The following DOCK1 variants were observed in gnomAD, a reference collection of about 807,000 sequenced individuals.
DOCK1 encodes dedicator of cytokinesis protein 1.
A neutral mutation model predicts 262.7 loss-of-function variants in DOCK1; 138 were observed. The ratio of observed to expected loss-of-function variants is 0.53; its 90% CI spans 0.46 to 0.61. The LOEUF is 0.61. DOCK1 is among the 20% of genes least tolerant of loss of function. The probability of loss-of-function intolerance (pLI) is 0.00; values close to 1 mark genes in which losing one functional copy is unlikely to be tolerated. For missense variants in DOCK1, 1,908 were observed against 2,370.7 expected (o/e 0.80, Z 4.05); for synonymous variants, 866 against 867.4 (o/e 1.00, Z 0.03).
chr10:126,926,594 C>T (rs1478919324), intron 1 of DOCK1, among the ~76,000 whole-genome samples: 1 of 152,172 alleles, frequency 6.6e-6, no homozygotes, highest in Non-Finnish European at 1.5e-5. Flanking sequence ...TGTGACCTTA[C>T]TTGGAAATGG....
rs562374750 is a variant in DOCK1, at chr10:127,221,538, C to T, written c.2848-26470C>T. On this transcript the variant is annotated intron_variant, in intron 27 of 51. Coordinates refer to ENST00000623213, the MANE Select transcript of DOCK1 (RefSeq NM_001290223.2). ...TCAGGGAGCTCTGGGCATCCATGTGCCCATGTGTCATCCTTGTGACATCCC... is the reference window on the plus strand; with the variant it reads ...TCAGGGAGCTCTGGGCATCCATGTGTCCATGTGTCATCCTTGTGACATCCC... Among the ~76,000 whole-genome samples, 8 of 152,288 alleles carry T rather than the reference C, an allele frequency of 5.3e-5. No individual in the cohort carries two copies. In the East Asian group the frequency reaches 1.5e-3, roughly 29 times the overall value.
chr10:127,357,032 T>A, intron 32 of DOCK1, among the ~76,000 whole-genome samples: 1 of 152,084 alleles, frequency 6.6e-6, no homozygotes, highest in Non-Finnish European at 1.5e-5. Context: ...GATGGGTCAT[T>A]ACATACTGAA....
intron 27 of DOCK1, among the ~76,000 whole-genome samples, chr10:127,163,759 A>G (rs2053801331): frequency 6.7e-6 from 1 of 148,930 alleles, no homozygotes; most frequent in Non-Finnish European, 1.5e-5. Flanking sequence ...TTAGTCTTGC[A>G]CCTAAACCAG....
chr10:127,410,670 C>T (rs1328392693), intron 42 of DOCK1, among the ~76,000 whole-genome samples, 170 bp from the exon 43 acceptor site: 1 of 152,204 alleles, frequency 6.6e-6, no homozygotes, highest in African/African-American at 2.4e-5. Context: ...AATTTTTCCA[C>T]CTGCCAACAT....
At chr10:127,033,336 GT>G (rs2043373235) in intron 18 of DOCK1, among the ~76,000 whole-genome samples, 1 of 152,200 alleles carries the variant, frequency 6.6e-6, no homozygotes, top group South Asian at 2.1e-4. Context: ...CTTGTGTGGG[GT>G]TTGGCCGATG....
chr10:127,038,915 T>C (rs868255800), intron 19 of DOCK1, among the ~76,000 whole-genome samples: 11 of 152,302 alleles, frequency 7.2e-5, no homozygotes, highest in Middle Eastern at 6.8e-3. Flanking sequence ...ATTCTGTTTT[T>C]GGCTATGGGA....
chr10:127,267,798 C>T lies in DOCK1; in HGVS notation c.3044+10369C>T, dbSNP rs527480245. ...GATACACTTTATTATGATCCTCCTCCCGGTCCTCTCATGCTAAGTTTTAAC... is the reference window on the plus strand; with the variant it reads ...GATACACTTTATTATGATCCTCCTCTCGGTCCTCTCATGCTAAGTTTTAAC... On this transcript the variant is annotated intron_variant, in intron 29 of 51. Coordinates refer to ENST00000623213, the MANE Select transcript of DOCK1 (RefSeq NM_001290223.2). 1.8e-4 allele frequency among the ~76,000 whole-genome samples: 27 copies of T among 152,226 alleles called. 1 individual carries two copies. The South Asian group carries it at 3.7e-3, about 21-fold the overall frequency.
intron 1 of DOCK1, among the ~76,000 whole-genome samples, chr10:126,950,422 C>G (rs2036109367): frequency 6.6e-6 from 1 of 152,026 alleles, no homozygotes; most frequent in Non-Finnish European, 1.5e-5. Context: ...AAGGCTCTCT[C>G]TCCTTTAGAC....
At chr10:127,283,401 C>T (rs1176048864) in intron 29 of DOCK1, among the ~76,000 whole-genome samples, 1 of 152,210 alleles carries the variant, frequency 6.6e-6, no homozygotes, top group Non-Finnish European at 1.5e-5. Flanking sequence ...TTACTGAAGC[C>T]TCCAGAAGGC....
At chr10:127,069,422 G>A (rs558898056) in intron 23 of DOCK1, among the ~76,000 whole-genome samples, 6 of 152,170 alleles carry the variant, frequency 3.9e-5, no homozygotes, top group Non-Finnish European at 7.3e-5. Flanking sequence ...TGTTGGCACC[G>A]TCATAGACCA....
rs900104409 is a variant in DOCK1 at position 126,944,725 on chromosome 10, G to A, written c.47-25977G>A. ...GCGAGGTGGATTGGGGCTCGTGTGG[G>A]CAATGTCGCCACAGAGACTTGGCTG... is the stretch of plus-strand genomic sequence containing the variant. On this transcript the variant is annotated intron_variant, in intron 1 of 51. Transcript: ENST00000623213. Among the ~76,000 whole-genome samples the A allele has an allele frequency of 2.6e-4, 40 of 152,178 alleles. 1 individual carries two copies. The South Asian group carries it at 7.9e-3, about 30-fold the overall frequency.
chr10:126,952,515 GTTA>G (rs1481014957), intron 1 of DOCK1, among the ~76,000 whole-genome samples: 4 of 151,692 alleles, frequency 2.6e-5, no homozygotes, highest in South Asian at 2.1e-4. Flanking sequence ...TGTTGGTGTT[GTTA>G]TTCTTGGTAG....
chr10:127,414,827 C>A (rs1480494856), intron 43 of DOCK1, among the ~76,000 whole-genome samples: 1 of 152,216 alleles, frequency 6.6e-6, no homozygotes. Flanking sequence ...TCTGTTTGCT[C>A]AAGAGGGGCT....
chr10:127,445,785 T>C (rs1354724499), intron 50 of DOCK1, among the ~76,000 whole-genome samples: 2 of 152,158 alleles, frequency 1.3e-5, no homozygotes, highest in Non-Finnish European at 2.9e-5. Flanking sequence ...ATTAACAAAA[T>C]GTACGTCCAA....
intron 19 of DOCK1, among the ~76,000 whole-genome samples, chr10:127,042,088 CATT>C (rs962534228): frequency 3.3e-5 from 5 of 152,294 alleles, no homozygotes; most frequent in African/African-American, 9.6e-5. Flanking sequence ...GTAATTTCGA[CATT>C]GTTGTTGAAT....
At chr10:127,193,117 C>CA (rs1212775508) in intron 27 of DOCK1, among the ~76,000 whole-genome samples, 1 of 151,926 alleles carries the variant, frequency 6.6e-6, no homozygotes, top group African/African-American at 2.4e-5. Flanking sequence ...ATATGTGAGA[C>CA]AAAAAAGGAT....
intron 23 of DOCK1, among the ~76,000 whole-genome samples, chr10:127,073,326 C>CAT (rs1174338739): frequency 6.6e-6 from 1 of 152,140 alleles, no homozygotes; most frequent in East Asian, 1.9e-4. Context: ...TGTGGAAAGG[C>CAT]AAAAGACCCA....
chr10:127,329,555 C>T (rs1327217008), intron 29 of DOCK1, among the ~76,000 whole-genome samples: 1 of 152,026 alleles, frequency 6.6e-6, no homozygotes, highest in African/African-American at 2.4e-5. Context: ...GGGGCGGGGA[C>T]TCTGGGGCGA....
At chr10:127,235,529 T>C (rs2059016091) in intron 27 of DOCK1, among the ~76,000 whole-genome samples, 1 of 152,176 alleles carries the variant, frequency 6.6e-6, no homozygotes, top group African/African-American at 2.4e-5. Context: ...GTTTATTTAG[T>C]AGGTAGTAGG....
Sources: allele counts gnomAD v4.1 joint callset (sites outside exome capture counted in the v4.1 genomes callset), GRCh38; gene constraint gnomAD v4.1.1; transcripts MANE v1.5; gene names NCBI Gene and HGNC (gene_info 2026-07-23, HGNC 2026-07-21).